Variants in ITPRIP observed in about 807,000 individuals in gnomAD.
ITPRIP encodes the protein inositol 1,4,5-trisphosphate receptor-interacting protein.
In ITPRIP, 32 loss-of-function variants were observed where a neutral mutation model predicts 35.8. The observed-to-expected ratio is 0.89, with a 90% CI of 0.68 to 1.20. The LOEUF (loss-of-function observed/expected upper bound fraction) is 1.20. Among genes scored for constraint, ITPRIP ranks in the 50% most tolerant of loss-of-function variants. The pLI is 0.00. For synonymous variants in ITPRIP, 358 were observed against 324.0 expected (o/e 1.11, Z -1.13); for missense variants, 653 against 735.6 (o/e 0.89, Z 1.30).
At position 104,312,874 on chromosome 10, in the gene ITPRIP, G is replaced by C. The variant is rs1464362759; in HGVS notation, c.*1534C>G. The C allele has an allele frequency of 1.0e-6, 1 of 985,394 alleles. No homozygotes were observed. Among genetic ancestry groups the C allele is most frequent in the Non-Finnish European group, 1.2e-6 (1 of 829,932 alleles). The allele number at this position is 985,394 out of a possible 1,614,324, so 61.0% of individuals were successfully genotyped here. On this transcript the variant is annotated 3_prime_UTR_variant, in exon 2 of 2. Transcript: ENST00000337478. ...GCCGGCTTAAACCCTGGAGGAACAC[G>C]GTATATTCTTGACTCCCTGGCCCCC...
chr10:104,313,630 T>C lies in ITPRIP; in HGVS notation c.*778A>G, dbSNP rs1353897027. ...GGGGGGCTGCTGAGCTGGCACCCAGTGTGGCAAATACCCACCACGCTCGGG... is the reference window on the plus strand; with the variant it reads ...GGGGGGCTGCTGAGCTGGCACCCAGCGTGGCAAATACCCACCACGCTCGGG... On this transcript the variant is annotated 3_prime_UTR_variant, in exon 2 of 2. Transcript: ENST00000337478. 1 of 985,362 alleles carries C rather than the reference T, an allele frequency of 1.0e-6. No individual in the cohort carries two copies. Among genetic ancestry groups the C allele is most frequent in the East Asian group, 1.1e-4 (1 of 8,826 alleles). 61.0% of individuals were successfully genotyped at this position (985,362 alleles called of 1,614,324 possible).
rs747012581 is a variant in ITPRIP at position 104,315,551 on chromosome 10, G to A, written c.501C>T (p.Phe167=). ...AARTREFLEG[F]VDDLLEALRS... is the part of the protein sequence containing the mutation. ...TCAGGGCTTCCAGCAAGTCATCCAC[G>A]AAGCCTTCCAGGAACTCCCGGGTAC... Residue 167 remains phenylalanine, a synonymous_variant, in exon 2 of 2, where the codon TTC becomes TTT. Coordinates refer to ENST00000337478, the MANE Select transcript of ITPRIP (RefSeq NM_001272013.2). This position sits in a 1 kb window ranked among gnomAD's most constrained non-coding sequence, Gnocchi z 5.7. 8 of 1,614,042 alleles carry A rather than the reference G, an allele frequency of 5.0e-6. No individual in the cohort carries two copies. Among genetic ancestry groups the A allele is most frequent in the Non-Finnish European group, 6.8e-6 (8 of 1,180,040 alleles).
chr10:104,330,509 C>T (rs1167407105), intron 1 of ITPRIP, among the ~76,000 whole-genome samples: 3 of 152,192 alleles, frequency 2.0e-5, no homozygotes, highest in Non-Finnish European at 2.9e-5. Flanking sequence ...AACCCTGACA[C>T]GTTTTCTGAC....
chr10:104,332,292 A>G (rs556444041), intron 1 of ITPRIP, among the ~76,000 whole-genome samples: 121 of 152,310 alleles, frequency 7.9e-4, no homozygotes, highest in African/African-American at 2.8e-3. Flanking sequence ...TCTGCAGATT[A>G]ATGATACTCT....
At position 104,315,539 on chromosome 10, in the gene ITPRIP, C is replaced by A. The variant is rs771724664; in HGVS notation, c.513G>T (p.Leu171Phe). ...REFLEGFVDD[L>F]LEALRSLCNR... ...TGCAGAGGCTCCTCAGGGCTTCCAG[C>A]AAGTCATCCACGAAGCCTTCCAGGA... Residue 171 changes from leucine (L) to phenylalanine (F), a missense_variant, in exon 2 of 2, where the codon TTG (leucine) becomes TTT (phenylalanine). Physicochemically the swap from Leu to Phe is conservative, Grantham distance 22 (BLOSUM62 0). Transcript: ENST00000337478. The surrounding 1 kb of genome is among the most constrained non-coding windows in gnomAD (Gnocchi z 5.7). 6.2e-7 allele frequency: 1 copy of A among 1,614,218 alleles called. No homozygotes were observed. The highest frequency in any genetic ancestry group is 8.5e-7 in the Non-Finnish European group (1 of 1,180,032).
Position 104,316,020 on chromosome 10 carries a change from A to G in ITPRIP, c.32T>C (p.Val11Ala). The change falls in exon 2 of 2, where the codon GTG becomes GCG. Residue 11 changes from valine to alanine, a missense_variant. Transcript: ENST00000337478. MAMGLFRVCL[V>A]VVTAIINHPL... is the part of the protein sequence containing the mutation. ...GTGGTTGATGATGGCCGTCACCACCACCAGACACACGCGGAAGAGCCCCAT... is the reference window on the plus strand; with the variant it reads ...GTGGTTGATGATGGCCGTCACCACCGCCAGACACACGCGGAAGAGCCCCAT... 2 of 1,600,898 alleles carry G rather than the reference A, an allele frequency of 1.2e-6. No homozygotes were observed. Among genetic ancestry groups the G allele is most frequent in the Non-Finnish European group, 1.7e-6 (2 of 1,174,172 alleles).
At chr10:104,324,515 C>T (rs767386134) in intron 1 of ITPRIP, among the ~76,000 whole-genome samples, 23 of 152,178 alleles carry the variant, frequency 1.5e-4, no homozygotes, top group Non-Finnish European at 2.1e-4. Context: ...TTCTTCTCGG[C>T]GTCCTTGCAG....
In ITPRIP at chr10:104,312,774, G is replaced by A. The variant is rs993188925; in HGVS notation, c.*1634C>T. 1.4e-5 allele frequency: 14 copies of A among 985,174 alleles called. No individual in the cohort carries two copies. The Admixed American group carries it at 3.7e-4, about 26-fold the overall frequency. 61.0% of individuals were successfully genotyped at this position (985,174 alleles called of 1,614,324 possible). ...GTTGAGAGCACTCCTGGGGATGGGG[G>A]AAGGATCTCCTTCCTTCAGTTTGTG... On this transcript the variant is annotated 3_prime_UTR_variant, in exon 2 of 2. Transcript: ENST00000337478.
Position 104,328,070 on chromosome 10 carries a change from G to A in ITPRIP, c.-14+10176C>T, listed in dbSNP as rs557651450. 6.6e-6 allele frequency among the ~76,000 whole-genome samples: 1 copy of A among 152,306 alleles called. No homozygotes were observed. The highest frequency in any genetic ancestry group is 1.5e-5 in the Non-Finnish European group (1 of 68,030). ...CCTGGGGGCCCACAGCTCACACCAT[G>A]CACTGGAGGCACCACTTTCACAAGA... On this transcript the variant is annotated intron_variant, in intron 1 of 1. Transcript: ENST00000337478. The surrounding 1 kb of genome is among the most constrained non-coding windows in gnomAD (Gnocchi z 4.1).
chr10:104,322,555 C>A (rs2013879883), intron 1 of ITPRIP, among the ~76,000 whole-genome samples: 1 of 152,222 alleles, frequency 6.6e-6, no homozygotes, highest in South Asian at 2.1e-4. Flanking sequence ...CATTCTAATG[C>A]CCGCTTATGT....
chr10:104,312,875 G>A lies in ITPRIP; in HGVS notation c.*1533C>T, dbSNP rs2013523033. On this transcript the variant is annotated 3_prime_UTR_variant, in exon 2 of 2. Transcript: ENST00000337478. The stretch of plus-strand genomic sequence containing the variant: ...CCGGCTTAAACCCTGGAGGAACACG[G>A]TATATTCTTGACTCCCTGGCCCCCT... 1 of 985,302 alleles carries A rather than the reference G, an allele frequency of 1.0e-6. No individual in the cohort carries two copies. The highest frequency in any genetic ancestry group is 1.2e-6 in the Non-Finnish European group (1 of 829,932). 61.0% of individuals were successfully genotyped at this position (985,302 alleles called of 1,614,324 possible).
Position 104,315,187 on chromosome 10 carries a change from C to T in ITPRIP, c.865G>A (p.Ala289Thr), listed in dbSNP as rs1344572953. ...PCGDMENLLC[A>T]TDSLYLDTMQ... The stretch of plus-strand genomic sequence containing the variant: ...GTGTCCAGGTACAGGGAATCTGTGG[C>T]ACACAGCAGGTTCTCCATGTCGCCG... The change falls in exon 2 of 2, where the codon GCC (alanine) becomes ACC (threonine). Residue 289 changes from alanine (A) to threonine (T), a missense_variant. Transcript: ENST00000337478. The surrounding 1 kb of genome is among the most constrained non-coding windows in gnomAD (Gnocchi z 5.7). 6.2e-7 allele frequency: 1 copy of T among 1,614,128 alleles called. No homozygotes were observed. Among genetic ancestry groups the T allele is most frequent in the East Asian group, 2.2e-5 (1 of 44,870 alleles).
chr10:104,318,264 C>G (rs2013741317), intron 1 of ITPRIP, among the ~76,000 whole-genome samples: 1 of 152,206 alleles, frequency 6.6e-6, no homozygotes, highest in Admixed American at 6.5e-5. Flanking sequence ...GCATAACTAA[C>G]TGCGAGGCTG....
Position 104,314,225 on chromosome 10 carries a change from A to T in ITPRIP, c.*183T>A, listed in dbSNP as rs375660628. 28 of 1,418,630 alleles carry T rather than the reference A, an allele frequency of 2.0e-5. 1 individual carries two copies. The highest frequency in any genetic ancestry group is 1.0e-4 in the East Asian group (4 of 39,180). 87.9% of individuals were successfully genotyped at this position (1,418,630 alleles called of 1,614,324 possible). A position where few individuals can be genotyped will look rare whatever the true frequency, so the allele number is the denominator to read the frequency against. On this transcript the variant is annotated 3_prime_UTR_variant, in exon 2 of 2. Transcript: ENST00000337478. ...CAGCAGATCCCAATGGTATGAAGCA[A>T]ACCAGCTTCCCGTTGAAATTCTGTT...
chr10:104,318,402 A>G (rs1219710323), intron 1 of ITPRIP, among the ~76,000 whole-genome samples: 2 of 152,228 alleles, frequency 1.3e-5, no homozygotes, highest in Non-Finnish European at 2.9e-5. Context: ...GATCACAGGC[A>G]GCCACCTTTG....
Position 104,315,944 on chromosome 10 carries a change from C to A in ITPRIP, c.108G>T (p.Glu36Asp). ...GGTGCGCCTGCATCTTGCGGATGAT[C>A]TCCTCCTCGTTCTCGGGGACTGTGG... ...ENATVPENEE[E>D]IIRKMQAHQE... The change falls in exon 2 of 2, where the codon GAG (glutamate) becomes GAT (aspartate). Residue 36 changes from glutamate (E) to aspartate (D), a missense_variant. Transcript: ENST00000337478. The surrounding 1 kb of genome is among the most constrained non-coding windows in gnomAD (Gnocchi z 5.7). 1 of 1,613,976 alleles carries A rather than the reference C, an allele frequency of 6.2e-7. No homozygotes were observed. The highest frequency in any genetic ancestry group is 1.1e-5 in the South Asian group (1 of 91,084).
chr10:104,318,496 C>T (rs554203665), intron 1 of ITPRIP, among the ~76,000 whole-genome samples: 1 of 152,294 alleles, frequency 6.6e-6, no homozygotes, highest in South Asian at 2.1e-4. Context: ...CAGGATGCCA[C>T]GAACAGGTGA....
intron 1 of ITPRIP, among the ~76,000 whole-genome samples, chr10:104,325,071 C>T (rs1252247216): frequency 6.6e-6 from 1 of 152,136 alleles, no homozygotes; most frequent in Non-Finnish European, 1.5e-5. Context: ...TATAAAAAAA[C>T]TAGCTGGGCG....
At chr10:104,334,200 C>T (rs998073076) in intron 1 of ITPRIP, among the ~76,000 whole-genome samples, 5 of 152,216 alleles carry the variant, frequency 3.3e-5, no homozygotes, top group African/African-American at 1.2e-4. Context: ...TGGACAGAGA[C>T]CAGAAAGAGC....
Sources: allele counts gnomAD v4.1 joint callset (sites outside exome capture counted in the v4.1 genomes callset), GRCh38; gene constraint gnomAD v4.1.1; non-coding constraint Gnocchi (gnomAD v3.1); transcripts MANE v1.5; gene names NCBI Gene and HGNC (gene_info 2026-07-23, HGNC 2026-07-21).